BRINP3: variants seen among roughly 807,000 people sequenced by gnomAD.
The protein encoded by BRINP3 is BMP/retinoic acid-inducible neural-specific protein 3.
In BRINP3, 19 loss-of-function variants were observed where a neutral mutation model predicts 71.0. That is an observed-to-expected ratio of 0.27 (90% CI 0.19 to 0.39). The LOEUF is 0.39. BRINP3 is among the 10% of genes least tolerant of loss of function. The pLI is 1.00. For missense variants in BRINP3, 959 were observed against 940.8 expected (o/e 1.02, Z -0.25); for synonymous variants, 380 against 337.7 (o/e 1.13, Z -1.37).
chr1:190,203,982 T>G (rs1192085780), intron 6 of BRINP3, among the ~76,000 whole-genome samples: 6 of 151,232 alleles, frequency 4.0e-5, no homozygotes, highest in Non-Finnish European at 8.9e-5. Flanking sequence ...ATATTGGCCT[T>G]GAGGATATTT....
chr1:190,355,772 A>G (rs907500133), intron 2 of BRINP3, among the ~76,000 whole-genome samples: 3 of 151,908 alleles, frequency 2.0e-5, no homozygotes, highest in African/African-American at 7.2e-5. Flanking sequence ...ACAGGGAACT[A>G]TTTATTTGCT....
intron 2 of BRINP3, among the ~76,000 whole-genome samples, chr1:190,424,846 G>A (rs998299759): frequency 3.3e-5 from 5 of 151,636 alleles, no homozygotes; most frequent in Admixed American, 3.3e-4. Flanking sequence ...CTTTCTAACA[G>A]AAGGAAATGC....
chr1:190,373,280 C>T (rs1669976392), intron 2 of BRINP3, among the ~76,000 whole-genome samples: 1 of 151,898 alleles, frequency 6.6e-6, no homozygotes, highest in Non-Finnish European at 1.5e-5. Context: ...ATCCCAGCTA[C>T]TCGGGAGGCT....
chr1:190,196,562 T>C (rs1654497732), intron 6 of BRINP3, among the ~76,000 whole-genome samples: 1 of 152,066 alleles, frequency 6.6e-6, no homozygotes, highest in Non-Finnish European at 1.5e-5. Context: ...TAATGAGACA[T>C]TAAAATAAAG....
intron 6 of BRINP3, among the ~76,000 whole-genome samples, chr1:190,199,609 T>C (rs2102605119): frequency 6.6e-6 from 1 of 152,128 alleles, no homozygotes; most frequent in Non-Finnish European, 1.5e-5. Flanking sequence ...TTTTCTTGTG[T>C]AGTCTAAGGT....
At chr1:190,150,605 G>C (rs1656306791) in intron 7 of BRINP3, among the ~76,000 whole-genome samples, 1 of 152,128 alleles carries the variant, frequency 6.6e-6, no homozygotes, top group Non-Finnish European at 1.5e-5. Flanking sequence ...TTCAGAATGA[G>C]AAGTTTAGGA....
At chr1:190,158,782 T>A (rs74764663) in intron 7 of BRINP3, among the ~76,000 whole-genome samples, 20,506 of 143,166 alleles carry the variant, frequency 0.14, 2,068 homozygotes, top group African/African-American at 0.27. Flanking sequence ...ATGAAAAAAA[T>A]AATAAGGACT....
At chr1:190,472,878 A>T (rs1312070218) in intron 1 of BRINP3, among the ~76,000 whole-genome samples, 1 of 151,440 alleles carries the variant, frequency 6.6e-6, no homozygotes, top group Non-Finnish European at 1.5e-5. Context: ...GGTTTTATTT[A>T]CTTAATTATA....
chr1:190,370,154 T>C (rs1445284159), intron 2 of BRINP3, among the ~76,000 whole-genome samples: 1 of 152,164 alleles, frequency 6.6e-6, no homozygotes, highest in Admixed American at 6.5e-5. Context: ...AATTGTCAAA[T>C]TAATCCATGA....
intron 7 of BRINP3, among the ~76,000 whole-genome samples, chr1:190,149,429 A>G (rs1656189211): frequency 6.6e-6 from 1 of 152,200 alleles, no homozygotes; most frequent in African/African-American, 2.4e-5. Context: ...TGATTTAATA[A>G]TTTCAGGTAG....
intron 6 of BRINP3, among the ~76,000 whole-genome samples, chr1:190,169,582 C>CTGTAT (rs1453671639): frequency 3.9e-5 from 6 of 152,086 alleles, no homozygotes; most frequent in African/African-American, 1.4e-4. Flanking sequence ...CTAACTGAGG[C>CTGTAT]CTCAAGGGCA....
In BRINP3 at chr1:190,384,341, T is replaced by C. The variant is rs1336111744; in HGVS notation, c.236+70314A>G. On this transcript the variant is annotated intron_variant, in intron 2 of 7. Coordinates refer to ENST00000367462, the MANE Select transcript of BRINP3 (RefSeq NM_199051.3). ...AAGAAATCTAAGACATACATTTTGC[T>C]TCTAGGAAAATCAAACTGTAATTAA... 2.6e-5 allele frequency among the ~76,000 whole-genome samples: 4 copies of C among 151,874 alleles called. No homozygotes were observed. In the East Asian group the frequency reaches 7.7e-4, roughly 29 times the overall value.
intron 2 of BRINP3, 23 bp downstream of exon 2, chr1:190,454,632 A>C: frequency 6.3e-7 from 1 of 1,589,980 alleles, no homozygotes; most frequent in Non-Finnish European, 8.6e-7. Flanking sequence ...TATTTCTGTA[A>C]TTGCTTTCCC....
At chr1:190,171,040 C>A (rs1651964302) in intron 6 of BRINP3, among the ~76,000 whole-genome samples, 1 of 152,022 alleles carries the variant, frequency 6.6e-6, no homozygotes, top group Non-Finnish European at 1.5e-5. Context: ...GCAATATTTG[C>A]CTATGAGACT....
intron 2 of BRINP3, among the ~76,000 whole-genome samples, chr1:190,384,200 T>C (rs1193312442): frequency 6.6e-6 from 1 of 151,418 alleles, no homozygotes; most frequent in African/African-American, 2.4e-5. Context: ...GTTTTATTTT[T>C]GAGAATTTTG....
At chr1:190,286,853 A>T (rs1663462932) in intron 2 of BRINP3, among the ~76,000 whole-genome samples, 1 of 152,144 alleles carries the variant, frequency 6.6e-6, no homozygotes, top group Admixed American at 6.6e-5. Context: ...GATCTTAAGA[A>T]ATGGCACTAA....
chr1:190,281,463 C>T (rs1663030541), intron 3 of BRINP3, 97 bp downstream of exon 3: 3 of 1,130,352 alleles, frequency 2.7e-6, no homozygotes, highest in East Asian at 2.4e-5. Context: ...TATAACTATT[C>T]ATACTGTAGC....
At chr1:190,155,111 G>T (rs1348577934) in intron 7 of BRINP3, among the ~76,000 whole-genome samples, 1 of 152,016 alleles carries the variant, frequency 6.6e-6, no homozygotes, top group Non-Finnish European at 1.5e-5. Context: ...ACTGAAATAT[G>T]TCAGCATTTG....
At chr1:190,136,947 G>A (rs1444806993) in intron 7 of BRINP3, among the ~76,000 whole-genome samples, 1 of 151,814 alleles carries the variant, frequency 6.6e-6, no homozygotes, top group Non-Finnish European at 1.5e-5. Context: ...TATATAAAAT[G>A]CTTATTTAAA....
Sources: gnomAD v4.1 joint callset for allele counts (sites outside exome capture counted in the v4.1 genomes callset) on GRCh38, gnomAD v4.1.1 for gene constraint, MANE v1.5 for transcripts, NCBI Gene and HGNC (gene_info 2026-07-23, HGNC 2026-07-21) for gene names.